The following TRIO variants were observed in gnomAD, a reference collection of about 807,000 sequenced individuals.
The protein encoded by TRIO is trio Rho guanine nucleotide exchange factor.
TRIO carries 58 observed loss-of-function variants against 351.9 expected under a neutral mutation model. The ratio of observed to expected loss-of-function variants is 0.16; its 90% CI spans 0.13 to 0.21. The LOEUF is 0.21. Among genes scored for constraint, TRIO ranks in the 10% least tolerant of loss-of-function variants. The pLI is 1.00. For synonymous variants in TRIO, 1,758 were observed against 1,595.7 expected (o/e 1.10, Z -2.42); for missense variants, 3,201 against 4,027.8 (o/e 0.79, Z 5.56).
intron 1 of TRIO, among the ~76,000 whole-genome samples, chr5:14,210,930 T>C (rs1276303233): frequency 6.6e-6 from 1 of 151,938 alleles, no homozygotes; most frequent in East Asian, 1.9e-4. Context: ...CTGTCCTCTT[T>C]CTCCCTTCCC....
chr5:14,143,471 C>A lies in TRIO; in HGVS notation c.-255C>A, dbSNP rs969618625. ...GTGCTGCTGCCCGCGCTCCGGCCGG[C>A]GCCCGGGAGGCCGTGGCTCCGCGCC... On this transcript the variant is annotated 5_prime_UTR_variant, in exon 1 of 57. Coordinates refer to ENST00000344204, the MANE Select transcript of TRIO (RefSeq NM_007118.4). 6.7e-6 allele frequency among the ~76,000 whole-genome samples: 1 copy of A among 148,538 alleles called. No individual in the cohort carries two copies. Among genetic ancestry groups the A allele is most frequent in the Non-Finnish European group, 1.5e-5 (1 of 66,742 alleles).
At chr5:14,409,193 G>A (rs1040053503) in intron 33 of TRIO, among the ~76,000 whole-genome samples, 3 of 152,132 alleles carry the variant, frequency 2.0e-5, no homozygotes, top group African/African-American at 7.2e-5. Context: ...TGGCTGATTG[G>A]GATTCCCCAG....
At chr5:14,475,351 G>T (rs1286894789) in intron 40 of TRIO, among the ~76,000 whole-genome samples, 1 of 110 alleles carries the variant, frequency 9.1e-3, no homozygotes, top group African/African-American at 0.033. Context: ...CTCTGAAGCT[G>T]AGCTCCATAC....
At chr5:14,469,954 A>G (rs578149453) in intron 37 of TRIO, among the ~76,000 whole-genome samples, 71 of 152,314 alleles carry the variant, frequency 4.7e-4, no homozygotes, top group Non-Finnish European at 5.9e-5. Flanking sequence ...TCAGCTGTCC[A>G]GGTGGGGGAT....
At chr5:14,308,178 A>G (rs1426914838) in intron 8 of TRIO, among the ~76,000 whole-genome samples, 1 of 152,160 alleles carries the variant, frequency 6.6e-6, no homozygotes, top group African/African-American at 2.4e-5. Flanking sequence ...CACTGCTTCT[A>G]GACCCTCTTA....
intron 11 of TRIO, among the ~76,000 whole-genome samples, chr5:14,338,166 C>A (rs1741601520): frequency 6.6e-6 from 1 of 152,212 alleles, no homozygotes; most frequent in African/African-American, 2.4e-5. Flanking sequence ...TCTGCTAGCT[C>A]TTTGTCCCAG....
rs780918147 is a variant in TRIO, at chr5:14,387,855, A to G, written c.3881+8A>G. On this transcript the variant is annotated splice_region_variant and intron_variant, in intron 23 of 56. Transcript: ENST00000344204. ...ATCTGCCCGCAGGAAAGAGTAAGCCAGTCTTTCAGAATCTACCAGGATTCA... is the reference window on the plus strand; with the variant it reads ...ATCTGCCCGCAGGAAAGAGTAAGCCGGTCTTTCAGAATCTACCAGGATTCA... The G allele has an allele frequency of 5.0e-5, 80 of 1,612,868 alleles. 1 individual carries two copies. The Middle Eastern group carries it at 1.3e-3, about 27-fold the overall frequency.
chr5:14,294,060 C>T (rs1737139544), intron 6 of TRIO, among the ~76,000 whole-genome samples: 1 of 151,978 alleles, frequency 6.6e-6, no homozygotes, highest in African/African-American at 2.4e-5. Flanking sequence ...GTGGTGCACA[C>T]CTGTAGTCCC....
At chr5:14,238,752 A>G (rs1245549698) in intron 1 of TRIO, among the ~76,000 whole-genome samples, 3 of 152,220 alleles carry the variant, frequency 2.0e-5, no homozygotes, top group Non-Finnish European at 4.4e-5. Context: ...AAAGTTTGGA[A>G]AGGCCCTGGT....
At chr5:14,222,181 G>A (rs1792680589) in intron 1 of TRIO, among the ~76,000 whole-genome samples, 1 of 149,686 alleles carries the variant, frequency 6.7e-6, no homozygotes, top group Non-Finnish European at 1.5e-5. Context: ...TTTAAATTAA[G>A]GTGTGTTCAT....
intron 3 of TRIO, among the ~76,000 whole-genome samples, chr5:14,283,322 C>T (rs534537182): frequency 3.3e-5 from 5 of 152,164 alleles, no homozygotes; most frequent in African/African-American, 7.2e-5. Context: ...GGCAGCCCTT[C>T]GGCCATTCCT....
At chr5:14,471,519 T>C (rs1754688406) in intron 38 of TRIO, 53 bp downstream of exon 38, 1 of 1,599,664 alleles carries the variant, frequency 6.3e-7, no homozygotes, top group Non-Finnish European at 8.5e-7. Flanking sequence ...GTCCTGTCTT[T>C]GTTGCCTTCA....
intron 1 of TRIO, among the ~76,000 whole-genome samples, chr5:14,199,128 T>A (rs1386970976): frequency 7.8e-6 from 1 of 128,726 alleles, no homozygotes; most frequent in Non-Finnish European, 1.6e-5. Flanking sequence ...TCCCAGCTAC[T>A]TGGGAGGCTG....
At chr5:14,358,904 C>T (rs1217708833) in intron 12 of TRIO, among the ~76,000 whole-genome samples, 2 of 152,168 alleles carry the variant, frequency 1.3e-5, no homozygotes, top group East Asian at 1.9e-4. Flanking sequence ...TTTATCAAAT[C>T]GTTGACTGAT....
At chr5:14,502,497 G>A in intron 53 of TRIO, 82 bp from the exon 54 acceptor site, 2 of 1,428,462 alleles carry the variant, frequency 1.4e-6, no homozygotes, top group Middle Eastern at 2.0e-4. Context: ...CAGCTGCTGT[G>A]AGGGACAGTG....
chr5:14,498,020 G>A lies in TRIO; in HGVS notation c.8048-69G>A. On this transcript the variant is annotated intron_variant, in intron 51 of 56. Transcript: ENST00000344204. ...CAGGTTAGGTCCTATCAATCTGTCGGGGACATGTGGGTGGGTGTGGAGGAG... is the reference window on the plus strand; with the variant it reads ...CAGGTTAGGTCCTATCAATCTGTCGAGGACATGTGGGTGGGTGTGGAGGAG... 2.5e-6 allele frequency: 4 copies of A among 1,611,696 alleles called. No individual in the cohort carries two copies. In the African/African-American group the frequency reaches 5.3e-5, roughly 21 times the overall value.
intron 18 of TRIO, among the ~76,000 whole-genome samples, chr5:14,370,940 C>T (rs1210941133): frequency 6.6e-6 from 1 of 152,132 alleles, no homozygotes; most frequent in Non-Finnish European, 1.5e-5. Flanking sequence ...AAAATACAGG[C>T]GGTCCTCAAG....
At chr5:14,318,075 C>T (rs1052044275) in intron 9 of TRIO, among the ~76,000 whole-genome samples, 6 of 151,332 alleles carry the variant, frequency 4.0e-5, no homozygotes, top group African/African-American at 1.2e-4. Context: ...TGCAGTGGGC[C>T]GATTATTGCA....
chr5:14,315,651 C>G (rs165091), intron 8 of TRIO, among the ~76,000 whole-genome samples: 6,877 of 152,248 alleles, frequency 0.045, 549 homozygotes, highest in African/African-American at 0.16. Flanking sequence ...CATCCCACAC[C>G]TGGTTACCTT....
Sources: gnomAD v4.1 joint callset for allele counts (sites outside exome capture counted in the v4.1 genomes callset) on GRCh38, gnomAD v4.1.1 for gene constraint, MANE v1.5 for transcripts, NCBI Gene and HGNC (gene_info 2026-07-23, HGNC 2026-07-21) for gene names.